Variants in EXOC4 observed in about 807,000 individuals in gnomAD.
The protein encoded by EXOC4 is SEC8-like 1.
In EXOC4, 71 loss-of-function variants were observed where a neutral mutation model predicts 107.2. The observed-to-expected ratio is 0.66, with a 90% CI of 0.55 to 0.81. EXOC4 has a LOEUF of 0.81. Among genes scored for constraint, EXOC4 ranks in the 30% least tolerant of loss-of-function variants. The pLI is 0.00. For missense variants in EXOC4, 1,108 were observed against 1,189.6 expected, an observed-to-expected ratio of 0.93 and a Z score of 1.01; for synonymous variants, 456 against 441.2, an observed-to-expected ratio of 1.03 and a Z score of -0.42.
intron 9 of EXOC4, among the ~76,000 whole-genome samples, chr7:133,528,315 A>G (rs1402432239): frequency 6.6e-6 from 1 of 152,170 alleles, no homozygotes; most frequent in Non-Finnish European, 1.5e-5. Flanking sequence ...ATTTCCTTAT[A>G]GTCTTAGGAA....
At chr7:133,630,562 G>T (rs1802568179) in intron 10 of EXOC4, among the ~76,000 whole-genome samples, 1 of 152,038 alleles carries the variant, frequency 6.6e-6, no homozygotes, top group East Asian at 1.9e-4. Context: ...TGTGCTACAA[G>T]TGCAGACTTT....
At chr7:133,917,369 T>G (rs1799832793) in intron 12 of EXOC4, among the ~76,000 whole-genome samples, 1 of 152,218 alleles carries the variant, frequency 6.6e-6, no homozygotes, top group African/African-American at 2.4e-5. Flanking sequence ...TCACGATTAC[T>G]CAACAACTAA....
At chr7:133,762,726 T>C (rs571352958) in intron 10 of EXOC4, among the ~76,000 whole-genome samples, 19 of 152,250 alleles carry the variant, frequency 1.2e-4, no homozygotes, top group African/African-American at 4.6e-4. Flanking sequence ...ATTAAAATGA[T>C]ATTTACCAAG....
chr7:133,288,273 T>C lies in EXOC4; in HGVS notation c.277-649T>C, dbSNP rs1284724537. On this transcript the variant is annotated intron_variant, in intron 2 of 17. Coordinates refer to ENST00000253861, the MANE Select transcript of EXOC4 (RefSeq NM_021807.4). ...TTCTTCTCCTCTCCCTTTTATTTTG[T>C]CATGTTTTGCCTATGCTAGTCACTA... 2.6e-5 allele frequency among the ~76,000 whole-genome samples: 4 copies of C among 152,202 alleles called. No homozygotes were observed. In the East Asian group the frequency reaches 7.7e-4, roughly 29 times the overall value.
chr7:133,334,378 A>C (rs146593986), intron 5 of EXOC4, among the ~76,000 whole-genome samples: 1 of 152,154 alleles, frequency 6.6e-6, no homozygotes, highest in Non-Finnish European at 1.5e-5. Context: ...TCTCTCTTCC[A>C]TGAAGGGTAA....
chr7:133,798,746 T>C (rs1161797343), intron 10 of EXOC4, among the ~76,000 whole-genome samples: 1 of 152,028 alleles, frequency 6.6e-6, no homozygotes, highest in Non-Finnish European at 1.5e-5. Flanking sequence ...TACCATTGAG[T>C]TCTTAATATG....
At chr7:133,291,857 CT>C (rs1794413894) in intron 3 of EXOC4, among the ~76,000 whole-genome samples, 1 of 152,036 alleles carries the variant, frequency 6.6e-6, no homozygotes, top group South Asian at 2.1e-4. Flanking sequence ...TTATTGAATC[CT>C]TTTTCTACTG....
intron 9 of EXOC4, among the ~76,000 whole-genome samples, chr7:133,559,168 A>T (rs1189856382): frequency 1.3e-5 from 2 of 152,100 alleles, no homozygotes; most frequent in African/African-American, 2.4e-5. Context: ...TGTATATATT[A>T]TGGGTATCCT....
rs568814943 is a variant in EXOC4 at position 133,485,074 on chromosome 7, C to T, written c.1417+4936C>T. Among the ~76,000 whole-genome samples, 180 of 48,802 alleles carry T rather than the reference C, an allele frequency of 3.7e-3. 1 individual carries two copies. Among genetic ancestry groups the T allele is most frequent in the African/African-American group, 9.6e-3 (161 of 16,754 alleles). The allele number at this position is 48,802 out of a possible 152,430, so 32.0% of individuals were successfully genotyped here. ...CAACCTGGGAGACACAGCGAGACTC[C>T]GTCTCAAAAAATAAATAAATAAATA... On this transcript the variant is annotated intron_variant, in intron 9 of 17. Coordinates refer to ENST00000253861, the MANE Select transcript of EXOC4 (RefSeq NM_021807.4).
intron 7 of EXOC4, among the ~76,000 whole-genome samples, chr7:133,396,881 G>T (rs547648661): frequency 6.6e-6 from 1 of 152,096 alleles, no homozygotes; most frequent in Non-Finnish European, 1.5e-5. Flanking sequence ...TGTTGTAATG[G>T]AAAAAGAAAT....
intron 14 of EXOC4, among the ~76,000 whole-genome samples, chr7:133,949,222 A>C (rs1800629103): frequency 6.6e-6 from 1 of 152,192 alleles, no homozygotes; most frequent in South Asian, 2.1e-4. Context: ...GATTTATATT[A>C]AATATTGTAA....
chr7:133,486,248 G>A (rs1422395649), intron 9 of EXOC4, among the ~76,000 whole-genome samples: 1 of 152,134 alleles, frequency 6.6e-6, no homozygotes, highest in Non-Finnish European at 1.5e-5. Flanking sequence ...ATACTTGTAT[G>A]TAATTAATCT....
chr7:133,738,778 G>A (rs1319481569), intron 10 of EXOC4, among the ~76,000 whole-genome samples: 1 of 152,138 alleles, frequency 6.6e-6, no homozygotes, highest in Non-Finnish European at 1.5e-5. Context: ...AGGAGCTTGG[G>A]TACCATGTGA....
At chr7:133,956,586 C>G (rs1800824598) in intron 14 of EXOC4, among the ~76,000 whole-genome samples, 2 of 152,192 alleles carry the variant, frequency 1.3e-5, no homozygotes, top group African/African-American at 4.8e-5. Flanking sequence ...GGGGCTGCAT[C>G]ATGTGGGGGA....
rs184603899 is a variant in EXOC4 at position 134,004,895 on chromosome 7, A to C, written c.2349-17A>C. 1.5e-3 allele frequency: 2,406 copies of C among 1,605,126 alleles called. 2 individuals carry two copies. The highest frequency in any genetic ancestry group is 1.9e-3 in the Non-Finnish European group (2,189 of 1,174,500). On this transcript the variant is annotated splice_polypyrimidine_tract_variant and intron_variant, in intron 15 of 17. Coordinates refer to ENST00000253861, the MANE Select transcript of EXOC4 (RefSeq NM_021807.4). Reference sequence around the variant, plus strand: ...GGATTTATTATTAACTGCTCTCCCTATCTCTCTCTTTTTCAGGGTTCACTG... The same window carrying C: ...GGATTTATTATTAACTGCTCTCCCTCTCTCTCTCTTTTTCAGGGTTCACTG...
At chr7:133,867,887 T>C (rs1402981975) in intron 11 of EXOC4, among the ~76,000 whole-genome samples, 1 of 152,250 alleles carries the variant, frequency 6.6e-6, no homozygotes, top group Non-Finnish European at 1.5e-5. Context: ...CTGTGTGTTA[T>C]CTTACTGTAT....
At chr7:133,610,924 A>G (rs1468111087) in intron 9 of EXOC4, among the ~76,000 whole-genome samples, 7 of 147,184 alleles carry the variant, frequency 4.8e-5, no homozygotes, top group Non-Finnish European at 7.5e-5. Flanking sequence ...TAGTCCTCCC[A>G]CCTCAGCCTC....
intron 13 of EXOC4, among the ~76,000 whole-genome samples, chr7:133,932,931 A>AGG (rs1326588867): frequency 6.6e-6 from 1 of 152,078 alleles, no homozygotes; most frequent in Non-Finnish European, 1.5e-5. Flanking sequence ...AGAGAGAGAG[A>AGG]GAGGGAGAGA....
At chr7:133,654,338 C>T (rs766734905) in intron 10 of EXOC4, among the ~76,000 whole-genome samples, 3 of 152,080 alleles carry the variant, frequency 2.0e-5, no homozygotes, top group Admixed American at 6.6e-5. Context: ...CTGAACTTCC[C>T]TAAGCCTCAG....
Sources: gnomAD v4.1 joint callset for allele counts (sites outside exome capture counted in the v4.1 genomes callset) on GRCh38, gnomAD v4.1.1 for gene constraint, MANE v1.5 for transcripts, NCBI Gene and HGNC (gene_info 2026-07-23, HGNC 2026-07-21) for gene names.